Variants in UTRN observed in about 807,000 individuals in gnomAD.
UTRN encodes dystrophin-related protein 1.
A neutral mutation model predicts 463.9 loss-of-function variants in UTRN; 283 were observed. That is an observed-to-expected ratio of 0.61 (90% confidence interval 0.55 to 0.67). The LOEUF is 0.67. UTRN is among the 30% of genes least tolerant of loss of function. UTRN has a pLI of 0.00. For missense variants in UTRN, 3,922 were observed against 4,084.3 expected (o/e 0.96, Z 1.08); for synonymous variants, 1,442 against 1,431.5 (o/e 1.01, Z -0.17).
At chr6:144,456,750 C>T (rs983207692) in intron 19 of UTRN, among the ~76,000 whole-genome samples, 7 of 151,438 alleles carry the variant, frequency 4.6e-5, no homozygotes, top group East Asian at 3.8e-4. Flanking sequence ...TGGTTTTCTT[C>T]GTTTAGCTTA....
At chr6:144,818,108 G>T (rs531802876) in intron 65 of UTRN, among the ~76,000 whole-genome samples, 1 of 152,122 alleles carries the variant, frequency 6.6e-6, no homozygotes, top group Non-Finnish European at 1.5e-5. Flanking sequence ...ACAAGCAAGA[G>T]TTCATGTTGG....
intron 2 of UTRN, among the ~76,000 whole-genome samples, chr6:144,296,493 A>C (rs1028124471): frequency 6.6e-6 from 1 of 152,182 alleles, no homozygotes; most frequent in Non-Finnish European, 1.5e-5. Context: ...GGACCAATAC[A>C]TCCCTGGTAC....
At chr6:144,310,384 A>G (rs939191996) in intron 2 of UTRN, among the ~76,000 whole-genome samples, 4 of 152,110 alleles carry the variant, frequency 2.6e-5, no homozygotes, top group African/African-American at 9.7e-5. Context: ...TTAACATACA[A>G]AATTAACCAG....
chr6:144,529,464 C>T (rs1165439934), intron 41 of UTRN, among the ~76,000 whole-genome samples: 1 of 152,162 alleles, frequency 6.6e-6, no homozygotes, highest in African/African-American at 2.4e-5. Context: ...TCCTCCTATC[C>T]ACCATTTTTT....
At chr6:144,627,011 G>A (rs1308187548) in intron 51 of UTRN, among the ~76,000 whole-genome samples, 1 of 152,184 alleles carries the variant, frequency 6.6e-6, no homozygotes, top group Non-Finnish European at 1.5e-5. Context: ...TGAGAAATAA[G>A]ATTTGATATA....
intron 2 of UTRN, among the ~76,000 whole-genome samples, chr6:144,371,849 A>G (rs374104025): frequency 6.6e-6 from 1 of 152,228 alleles, no homozygotes; most frequent in East Asian, 1.9e-4. Context: ...CTGGGGAGGC[A>G]TACATTCTGA....
At chr6:144,638,035 G>A (rs996814219) in intron 51 of UTRN, among the ~76,000 whole-genome samples, 1 of 152,174 alleles carries the variant, frequency 6.6e-6, no homozygotes, top group Non-Finnish European at 1.5e-5. Context: ...TATTTGTATA[G>A]CTTCAGTGTT....
intron 52 of UTRN, among the ~76,000 whole-genome samples, chr6:144,698,788 C>A (rs945588508): frequency 6.6e-6 from 1 of 152,210 alleles, no homozygotes; most frequent in Non-Finnish European, 1.5e-5. Context: ...CTTATTGGAA[C>A]CTTAACCATA....
chr6:144,369,108 G>A (rs1161703078), intron 2 of UTRN, among the ~76,000 whole-genome samples: 1 of 152,196 alleles, frequency 6.6e-6, no homozygotes. Flanking sequence ...GTGAGGACAT[G>A]CATTATTTTT....
At chr6:144,850,380 G>T (rs768155770) in intron 74 of UTRN, among the ~76,000 whole-genome samples, 2 of 152,130 alleles carry the variant, frequency 1.3e-5, no homozygotes, top group South Asian at 4.2e-4. Flanking sequence ...CAGTTTGGAT[G>T]ATTTCATTTT....
intron 73 of UTRN, among the ~76,000 whole-genome samples, chr6:144,846,355 G>C (rs900590387): frequency 6.6e-6 from 1 of 152,186 alleles, no homozygotes; most frequent in African/African-American, 2.4e-5. Flanking sequence ...CCATTTTCCT[G>C]GGCGTTAGGG....
At chr6:144,621,407 C>T (rs1042713587) in intron 51 of UTRN, among the ~76,000 whole-genome samples, 1 of 149,436 alleles carries the variant, frequency 6.7e-6, no homozygotes, top group African/African-American at 2.5e-5. Context: ...TGCCTTTCTT[C>T]TAGAAAGTTT....
chr6:144,490,194 CTA>C lies in UTRN; in HGVS notation c.4259_4260del (p.Leu1420ProfsTer19). The C allele has an allele frequency of 6.2e-7, 1 of 1,601,400 alleles. No individual in the cohort carries two copies. Among genetic ancestry groups the C allele is most frequent in the Non-Finnish European group, 8.5e-7 (1 of 1,176,500 alleles). On this transcript the variant is annotated frameshift_variant, in exon 31 of 75. Transcript: ENST00000367545. LOFTEE classifies it high-confidence loss of function. The part of the protein sequence containing the change: ...TARGGSQMDV[L>X]QRKLREVSTK... ...CAGAGGAGGAAGTCAGATGGATGTG[CTA>C]CAGGTAAAGAAGGCCAGGAGCTTCC...
In UTRN at chr6:144,620,062, A is replaced by G. The variant is rs190517428; in HGVS notation, c.7479+42774A>G. 1.2e-3 allele frequency among the ~76,000 whole-genome samples: 181 copies of G among 152,232 alleles called. 1 individual carries two copies. Among genetic ancestry groups the G allele is most frequent in the African/African-American group, 4.3e-3 (179 of 41,548 alleles). On this transcript the variant is annotated intron_variant, in intron 51 of 74. Coordinates refer to ENST00000367545, the MANE Select transcript of UTRN (RefSeq NM_007124.3). The stretch of plus-strand genomic sequence containing the variant: ...TTTATCTTTTTTGTTAAGGATGCAA[A>G]TGGAGAGTTATATATTGGATTCCTC...
intron 23 of UTRN, among the ~76,000 whole-genome samples, chr6:144,463,310 T>C (rs1789599559): frequency 6.6e-6 from 1 of 152,034 alleles, no homozygotes. Flanking sequence ...AGTGTCAGAG[T>C]GGGAAGGCAA....
rs145835486 is a variant in UTRN at position 144,840,768 on chromosome 6, C to T, written c.10206C>T (p.His3402=). Residue 3402 remains histidine, a synonymous_variant, in exon 73 of 75, where the codon CAC becomes CAT. Transcript: ENST00000367545. ...GAGAGGACCTGCTGGCCCCACCGCA[C>T]GACACCAGCACGGATCTCACGGAGG... The part of the protein sequence containing the change: ...AAGEDLLAPP[H]DTSTDLTEVM... 232 of 1,614,004 alleles carry T rather than the reference C, an allele frequency of 1.4e-4. 9 individuals are homozygous for T. In the South Asian group the frequency reaches 2.1e-3, roughly 15 times the overall value.
intron 43 of UTRN, among the ~76,000 whole-genome samples, chr6:144,533,718 G>GTAATATAATATAATATAATATAATA (rs10524732): frequency 3.6e-4 from 54 of 148,630 alleles, no homozygotes; most frequent in Middle Eastern, 3.5e-3. Context: ...CTTCATCTAT[G>GTAATATAATATAATATAATATAATA]TAATATAATA....
At chr6:144,621,857 G>T (rs1219915262) in intron 51 of UTRN, among the ~76,000 whole-genome samples, 1 of 151,970 alleles carries the variant, frequency 6.6e-6, no homozygotes, top group Non-Finnish European at 1.5e-5. Context: ...TTCTTCCTAC[G>T]CCTTCTCTTT....
Position 144,523,163 on chromosome 6 carries a change from A to G in UTRN, c.5881A>G (p.Asn1961Asp), listed in dbSNP as rs1390335128. Residue 1961 changes from asparagine to aspartate, a missense_variant, in exon 41 of 75, where the codon AAT becomes GAT. Physicochemically the swap from Asn to Asp is conservative, Grantham distance 23 (BLOSUM62 1). Transcript: ENST00000367545. ...GCTGAATGCAAAATGGGACAGAATT[A>G]ATAGAATGTACAGTGATCGGAAAGG... ...TQLNAKWDRI[N>D]RMYSDRKGCF... 6.2e-7 allele frequency: 1 copy of G among 1,610,802 alleles called. No individual in the cohort carries two copies.
Sources: allele counts gnomAD v4.1 joint callset (sites outside exome capture counted in the v4.1 genomes callset), GRCh38; gene constraint gnomAD v4.1.1; transcripts MANE v1.5; gene names NCBI Gene and HGNC (gene_info 2026-07-23, HGNC 2026-07-21).